Variants in ZNF804B observed in about 807,000 individuals in gnomAD.
ZNF804B encodes zinc finger protein 804B.
ZNF804B carries 80 observed loss-of-function variants against 101.4 expected under a neutral mutation model. That is an observed-to-expected ratio of 0.79 (90% CI 0.66 to 0.95). The LOEUF is 0.95. ZNF804B is among the 40% of genes least tolerant of loss of function. The pLI, the probability that ZNF804B is intolerant of heterozygous loss-of-function variation, is 0.00. For synonymous variants in ZNF804B, 622 were observed against 558.8 expected (o/e 1.11, Z -1.59); for missense variants, 1,673 against 1,561.9 (o/e 1.07, Z -1.20).
At chr7:88,869,797 G>A (rs1442844747) in intron 1 of ZNF804B, among the ~76,000 whole-genome samples, 1 of 152,094 alleles carries the variant, frequency 6.6e-6, no homozygotes. Context: ...ATGAAGCAGT[G>A]TAGTGGGGAA....
chr7:88,963,328 C>T (rs1201685517), intron 1 of ZNF804B, among the ~76,000 whole-genome samples: 1 of 151,244 alleles, frequency 6.6e-6, no homozygotes, highest in East Asian at 2.0e-4. Flanking sequence ...TATATACACC[C>T]ATGGAATAGA....
At chr7:88,879,836 A>G (rs898920077) in intron 1 of ZNF804B, among the ~76,000 whole-genome samples, 1 of 151,964 alleles carries the variant, frequency 6.6e-6, no homozygotes, top group Non-Finnish European at 1.5e-5. Context: ...CTCAGAAGTT[A>G]GAGACCAGCC....
At chr7:88,849,806 TA>T (rs1309229063) in intron 1 of ZNF804B, among the ~76,000 whole-genome samples, 1 of 151,738 alleles carries the variant, frequency 6.6e-6, no homozygotes, top group Non-Finnish European at 1.5e-5. Flanking sequence ...TATGAAAATT[TA>T]AAAAAATAAT....
rs75242393 is a variant in ZNF804B at position 89,042,418 on chromosome 7, A to C, written c.109-175737A>C. 3.1e-4 allele frequency among the ~76,000 whole-genome samples: 47 copies of C among 152,298 alleles called. No individual in the cohort carries two copies. In the East Asian group the frequency reaches 7.9e-3, roughly 26 times the overall value. ...GTGGTTAAAGTTGTCTTACTTGAATAATATGTGGAACTCACACTTAGTATT... is the reference window on the plus strand; with the variant it reads ...GTGGTTAAAGTTGTCTTACTTGAATCATATGTGGAACTCACACTTAGTATT... On this transcript the variant is annotated intron_variant, in intron 1 of 3. Transcript: ENST00000333190.
intron 1 of ZNF804B, among the ~76,000 whole-genome samples, chr7:88,770,279 G>A (rs1487786484): frequency 6.6e-6 from 1 of 152,144 alleles, no homozygotes; most frequent in Non-Finnish European, 1.5e-5. Flanking sequence ...TGATTATCCT[G>A]GATCACACAG....
At chr7:89,186,290 T>A (rs1562908830) in intron 1 of ZNF804B, among the ~76,000 whole-genome samples, 1 of 152,072 alleles carries the variant, frequency 6.6e-6, no homozygotes, top group South Asian at 2.1e-4. Context: ...CTATTCTATC[T>A]AAAAAAATAA....
At chr7:89,284,733 G>T (rs183961510) in intron 2 of ZNF804B, among the ~76,000 whole-genome samples, 2 of 152,136 alleles carry the variant, frequency 1.3e-5, no homozygotes, top group Admixed American at 6.5e-5. Flanking sequence ...GTTATTATAT[G>T]ATGACTTCAA....
chr7:89,082,583 G>T (rs1055221293), intron 1 of ZNF804B, among the ~76,000 whole-genome samples: 1 of 151,724 alleles, frequency 6.6e-6, no homozygotes, highest in African/African-American at 2.4e-5. Context: ...AATAAAACTA[G>T]TAACTCTTCT....
intron 1 of ZNF804B, among the ~76,000 whole-genome samples, chr7:88,982,790 A>C (rs1407395291): frequency 1.3e-5 from 2 of 152,000 alleles, no homozygotes; most frequent in East Asian, 2.0e-4. Context: ...ATGTATTCCC[A>C]GAAACAGCAC....
At chr7:88,860,206 T>C (rs911900217) in intron 1 of ZNF804B, among the ~76,000 whole-genome samples, 1 of 152,020 alleles carries the variant, frequency 6.6e-6, no homozygotes, top group African/African-American at 2.4e-5. Context: ...ATATAAAATA[T>C]TGTAGAGGGC....
intron 1 of ZNF804B, among the ~76,000 whole-genome samples, chr7:88,892,975 A>G (rs1048080279): frequency 1.3e-5 from 2 of 152,132 alleles, no homozygotes; most frequent in African/African-American, 4.8e-5. Flanking sequence ...TTCCTATCAG[A>G]GTAATTTTTT....
Position 89,333,497 on chromosome 7 carries a change from A to G in ZNF804B, c.515A>G (p.Asn172Ser), listed in dbSNP as rs1562742925. 2.5e-6 allele frequency: 4 copies of G among 1,613,292 alleles called. No homozygotes were observed. The change falls in exon 4 of 4, where the codon AAT (asparagine) becomes AGT (serine). Residue 172 changes from asparagine to serine, a missense_variant. Coordinates refer to ENST00000333190, the MANE Select transcript of ZNF804B (RefSeq NM_181646.5). ...AGTGCTCTTCTCCTTAAAGGAAAAA[A>G]TCTCCCCAGAATCATATCCGATAAA... ...MKSALLLKGKNLPRIISDKQR... is the reference protein window; with the variant it reads ...MKSALLLKGKSLPRIISDKQR...
chr7:89,331,186 T>G (rs930360975), intron 3 of ZNF804B, among the ~76,000 whole-genome samples: 21 of 151,636 alleles, frequency 1.4e-4, no homozygotes, highest in Non-Finnish European at 7.4e-5. Context: ...AGAAGTATAG[T>G]TCCTACTTAA....
intron 1 of ZNF804B, among the ~76,000 whole-genome samples, chr7:89,069,597 TATG>T (rs1562875894): frequency 1.3e-5 from 2 of 152,184 alleles, no homozygotes; most frequent in Admixed American, 6.5e-5. Context: ...AGTGTTATGC[TATG>T]ATATCTTATG....
chr7:88,887,189 T>C (rs188977448), intron 1 of ZNF804B, among the ~76,000 whole-genome samples: 1 of 152,168 alleles, frequency 6.6e-6, no homozygotes, highest in Admixed American at 6.5e-5. Context: ...AAAACAAAAA[T>C]GCATTTTTTT....
intron 1 of ZNF804B, among the ~76,000 whole-genome samples, chr7:89,130,610 A>G (rs563750179): frequency 6.6e-6 from 1 of 152,082 alleles, no homozygotes; most frequent in East Asian, 1.9e-4. Flanking sequence ...TGAAATGAAT[A>G]CGAGAGAAGA....
intron 2 of ZNF804B, among the ~76,000 whole-genome samples, chr7:89,278,216 AT>A (rs1206191920): frequency 7.1e-6 from 1 of 140,472 alleles, no homozygotes; most frequent in African/African-American, 2.6e-5. Flanking sequence ...TTTCTTGTAA[AT>A]TTGTTGGAGT....
chr7:89,161,187 G>A (rs1233527011), intron 1 of ZNF804B, among the ~76,000 whole-genome samples: 3 of 151,996 alleles, frequency 2.0e-5, no homozygotes, highest in Admixed American at 2.0e-4. Context: ...AAAGCACACT[G>A]GGCAAGCCTA....
rs907203837 is a variant in ZNF804B, at chr7:88,790,563, C to T, written c.108+30479C>T. 3.3e-5 allele frequency among the ~76,000 whole-genome samples: 5 copies of T among 151,950 alleles called. No individual in the cohort carries two copies. The East Asian group carries it at 5.8e-4, about 18-fold the overall frequency. On this transcript the variant is annotated intron_variant, in intron 1 of 3. Coordinates refer to ENST00000333190, the MANE Select transcript of ZNF804B (RefSeq NM_181646.5). ...CTGCATTAGTCTGCTAAGGATAATGCCCTCCCTTCTCCATCCATGTCCCTG... is the reference window on the plus strand; with the variant it reads ...CTGCATTAGTCTGCTAAGGATAATGTCCTCCCTTCTCCATCCATGTCCCTG...
Sources: gnomAD v4.1 joint callset for allele counts (sites outside exome capture counted in the v4.1 genomes callset) on GRCh38, gnomAD v4.1.1 for gene constraint, MANE v1.5 for transcripts, NCBI Gene and HGNC (gene_info 2026-07-23, HGNC 2026-07-21) for gene names.